Variants in PCDHGA6 observed in about 807,000 individuals in gnomAD.
PCDHGA6 encodes the protein protocadherin gamma subfamily A, 6, also known as protocadherin gamma-A6.
Under a neutral mutation model 60.6 loss-of-function variants are expected in PCDHGA6, and 41 were observed. The ratio of observed to expected loss-of-function variants is 0.68; its 90% CI spans 0.53 to 0.88. PCDHGA6 has a LOEUF of 0.88. Among genes scored for constraint, PCDHGA6 ranks in the 40% least tolerant of loss-of-function variants. PCDHGA6 has a pLI of 0.00. For synonymous variants in PCDHGA6, 594 were observed against 524.4 expected (o/e 1.13, Z -1.81); for missense variants, 1,312 against 1,203.0 (o/e 1.09, Z -1.34).
At chr5:141,420,245 G>T (rs72790042) in intron 1 of PCDHGA6, 1 of 1,584,230 alleles carries the variant, frequency 6.3e-7, no homozygotes, top group East Asian at 2.2e-5. Flanking sequence ...AACTCCCAGC[G>T]TTGAAGCAGA....
chr5:141,375,822 G>T lies in PCDHGA6; in HGVS notation c.1739G>T (p.Arg580Leu). 6 of 1,614,140 alleles carry T rather than the reference G, an allele frequency of 3.7e-6. No homozygotes were observed. The highest frequency in any genetic ancestry group is 5.1e-6 in the Non-Finnish European group (6 of 1,180,024). Residue 580 changes from arginine to leucine, a missense_variant, in exon 1 of 4, where the codon CGC becomes CTC. Transcript: ENST00000517434. ...TCCACTGGCGTGGAGCTGGCGCCCC[G>T]CTCCGCAGAGCCCGGCTACCTGGTG... ...DGSTGVELAP[R>L]SAEPGYLVTK...
intron 1 of PCDHGA6, chr5:141,390,297 G>A (rs1313373310): frequency 6.2e-7 from 1 of 1,613,826 alleles, no homozygotes; most frequent in East Asian, 2.2e-5. Context: ...TTTCCTTTAA[G>A]TATAATTTAA....
chr5:141,431,215 CCCTCTACCCCACG>C lies in PCDHGA6; in HGVS notation c.2424+54712_2424+54724del. The C allele has an allele frequency of 6.2e-7, 1 of 1,614,184 alleles. No homozygotes were observed. Among genetic ancestry groups the C allele is most frequent in the Non-Finnish European group, 8.5e-7 (1 of 1,180,048 alleles). On this transcript the variant is annotated intron_variant, in intron 1 of 3. Transcript: ENST00000517434. The surrounding 1 kb of genome is among the most constrained non-coding windows in gnomAD (Gnocchi z 4.8). ...AAAATGCAGCCACTGAGATGCGGTT[CCCTCTACCCCACG>C]CCTGGGATCCGGATATCGGGAAGAA... is the stretch of plus-strand genomic sequence containing the variant.
At chr5:141,446,093 GA>G (rs1217618203) in intron 1 of PCDHGA6, among the ~76,000 whole-genome samples, 1 of 152,118 alleles carries the variant, frequency 6.6e-6, no homozygotes, top group Admixed American at 6.5e-5. Flanking sequence ...ATAAATGGAT[GA>G]ATTATAGATA....
rs1156927948 is a variant in PCDHGA6, at chr5:141,490,342, G to A, written c.2425-4465G>A. 16 of 1,614,126 alleles carry A rather than the reference G, an allele frequency of 9.9e-6. 1 individual carries two copies. In the Admixed American group the frequency reaches 1.3e-4, roughly 13 times the overall value. ...CCTAGAGAGCACACCAGTGGGCACA[G>A]TAGTGGGGTTGTTTAATGTGCGAGA... On this transcript the variant is annotated intron_variant, in intron 1 of 3. Coordinates refer to ENST00000517434, the MANE Select transcript of PCDHGA6 (RefSeq NM_018919.3). This position sits in a 1 kb window ranked among gnomAD's most constrained non-coding sequence, Gnocchi z 5.4.
At chr5:141,383,164 A>G (rs1778887278) in intron 1 of PCDHGA6, 1 of 1,614,016 alleles carries the variant, frequency 6.2e-7, no homozygotes, top group Non-Finnish European at 8.5e-7. Context: ...CACTGCGGGC[A>G]GGATAGACCG....
chr5:141,497,060 G>A (rs1244885752), intron 2 of PCDHGA6, among the ~76,000 whole-genome samples: 1 of 151,952 alleles, frequency 6.6e-6, no homozygotes, highest in African/African-American at 2.4e-5. Context: ...GTGGTGGCAG[G>A]CACCTGTAAT....
At chr5:141,436,173 A>T (rs556225963) in intron 1 of PCDHGA6, among the ~76,000 whole-genome samples, 1 of 152,302 alleles carries the variant, frequency 6.6e-6, no homozygotes, top group East Asian at 1.9e-4. Context: ...GACAGTTCTC[A>T]TATATAGTCA....
intron 3 of PCDHGA6, 120 bp downstream of exon 3, chr5:141,505,601 C>T (rs1171679451): frequency 6.4e-7 from 1 of 1,550,630 alleles, no homozygotes; most frequent in Non-Finnish European, 8.7e-7. Flanking sequence ...GATCTTTCGG[C>T]AGGTCTGAAA....
At chr5:141,425,521 C>A (rs2096880944) in intron 1 of PCDHGA6, among the ~76,000 whole-genome samples, 1 of 152,210 alleles carries the variant, frequency 6.6e-6, no homozygotes, top group Non-Finnish European at 1.5e-5. Flanking sequence ...TATGATGAAA[C>A]ATGAAACAAT....
chr5:141,375,257 T>C lies in PCDHGA6; in HGVS notation c.1174T>C (p.Phe392Leu). 6.2e-7 allele frequency: 1 copy of C among 1,613,890 alleles called. No individual in the cohort carries two copies. The highest frequency in any genetic ancestry group is 1.6e-4 in the Middle Eastern group (1 of 6,062). ...CTGTTCCATCCCGAGAAGTCTCCCA[T>C]TTGAATTGGAAAAATCAGTTGGCAA... ...VTCSIPRSLP[F>L]ELEKSVGNYY... The change falls in exon 1 of 4, where the codon TTT becomes CTT. Residue 392 changes from phenylalanine (F) to leucine (L), a missense_variant. Transcript: ENST00000517434.
Position 141,389,941 on chromosome 5 carries a change from T to C in PCDHGA6, c.2424+13434T>C, listed in dbSNP as rs772172943. 2.5e-6 allele frequency: 4 copies of C among 1,613,952 alleles called. No homozygotes were observed. In the African/African-American group the frequency reaches 5.3e-5, roughly 22 times the overall value. On this transcript the variant is annotated intron_variant, in intron 1 of 3. Coordinates refer to ENST00000517434, the MANE Select transcript of PCDHGA6 (RefSeq NM_018919.3). ...GACCCCTCTGACCTCCAGGCTGAGC[T>C]GCAGTTTTACCTAGTGGTGGCCTTG...
chr5:141,378,118 C>T (rs1196603036), intron 1 of PCDHGA6: 3 of 152,190 alleles, frequency 2.0e-5, no homozygotes, highest in Non-Finnish European at 4.4e-5. Context: ...ATAGTGAACA[C>T]GTATTTGTTG....
rs1335023784 is a variant in PCDHGA6 at position 141,490,877 on chromosome 5, C to CCAA, written c.2425-3927_2425-3925dup. 2.5e-6 allele frequency: 4 copies of CCAA among 1,613,762 alleles called. No homozygotes were observed. Among genetic ancestry groups the CCAA allele is most frequent in the Non-Finnish European group, 3.4e-6 (4 of 1,179,908 alleles). On this transcript the variant is annotated intron_variant, in intron 1 of 3. Transcript: ENST00000517434. This position sits in a 1 kb window ranked among gnomAD's most constrained non-coding sequence, Gnocchi z 5.4. ...GACTCCGGCTCTCCCCCATTGCATG[C>CCAA]CAACACATCTCTGCATGTGTTTGTC...
intron 1 of PCDHGA6, chr5:141,394,595 G>A: frequency 6.2e-7 from 1 of 1,613,740 alleles, no homozygotes; most frequent in Non-Finnish European, 8.5e-7. Flanking sequence ...TGGTGGCGGT[G>A]GACAGAGACT....
Position 141,374,307 on chromosome 5 carries a change from T to A in PCDHGA6, c.224T>A (p.Phe75Tyr). Residue 75 changes from phenylalanine to tyrosine, a missense_variant, in exon 1 of 4, where the codon TTC becomes TAC. Physicochemically the swap from Phe to Tyr is conservative, Grantham distance 22. Transcript: ENST00000517434. ...RIVSRGRMQL[F>Y]SLNPRNGSLV... ...GTCTCCAGAGGTAGGATGCAGCTTT[T>A]CTCTCTGAATCCGCGAAACGGCAGC... 1 of 1,613,922 alleles carries A rather than the reference T, an allele frequency of 6.2e-7. No homozygotes were observed. Among genetic ancestry groups the A allele is most frequent in the Non-Finnish European group, 8.5e-7 (1 of 1,179,840 alleles).
chr5:141,490,128 C>T lies in PCDHGA6; in HGVS notation c.2425-4679C>T, dbSNP rs970815408. 1.2e-6 allele frequency: 2 copies of T among 1,614,254 alleles called. No homozygotes were observed. Among genetic ancestry groups the T allele is most frequent in the Non-Finnish European group, 8.5e-7 (1 of 1,180,042 alleles). ...CAGTGCGGAACCTCTTTGGCCTAGA[C>T]CCTAGCAGTGGGGCAATCCATGTGT... On this transcript the variant is annotated intron_variant, in intron 1 of 3. Transcript: ENST00000517434. The surrounding 1 kb of genome is among the most constrained non-coding windows in gnomAD (Gnocchi z 5.4).
At chr5:141,472,998 GAAAGAA>G (rs1489589280) in intron 1 of PCDHGA6, among the ~76,000 whole-genome samples, 8 of 134,744 alleles carry the variant, frequency 5.9e-5, no homozygotes, top group South Asian at 2.3e-4. Flanking sequence ...AAAAAAAAAA[GAAAGAA>G]AAAGAAAAAG....
intron 1 of PCDHGA6, chr5:141,417,710 T>C: frequency 8.0e-7 from 1 of 1,249,348 alleles, no homozygotes; most frequent in Non-Finnish European, 1.1e-6. Context: ...ACACAGAGGC[T>C]CCCGGCTGCG....
Sources: allele counts gnomAD v4.1 joint callset (sites outside exome capture counted in the v4.1 genomes callset), GRCh38; gene constraint gnomAD v4.1.1; non-coding constraint Gnocchi (gnomAD v3.1); transcripts MANE v1.5; gene names NCBI Gene and HGNC (gene_info 2026-07-23, HGNC 2026-07-21).